VIPR2: variants seen among roughly 807,000 people sequenced by gnomAD.
VIPR2 encodes the protein vasoactive intestinal polypeptide receptor 2.
VIPR2 carries 48 observed loss-of-function variants against 58.0 expected under a neutral mutation model. That is an observed-to-expected ratio of 0.83 (90% CI 0.66 to 1.05). The LOEUF (loss-of-function observed/expected upper bound fraction) is 1.05. VIPR2 is among the 50% of genes least tolerant of loss of function. The probability of loss-of-function intolerance (pLI) is 0.00; values close to 1 mark genes in which losing one functional copy is unlikely to be tolerated. For missense variants in VIPR2, 534 were observed against 558.0 expected, an observed-to-expected ratio of 0.96 and a Z score of 0.43; for synonymous variants, 243 against 235.2, an observed-to-expected ratio of 1.03 and a Z score of -0.30.
At chr7:159,058,950 A>G (rs1855480301) in intron 4 of VIPR2, among the ~76,000 whole-genome samples, 1 of 152,336 alleles carries the variant, frequency 6.6e-6, no homozygotes, top group South Asian at 2.1e-4. Flanking sequence ...ACACTCCTGG[A>G]TGAGCTCAGG....
intron 6 of VIPR2, 27 bp from the exon 7 acceptor site, chr7:159,036,929 A>C: frequency 6.2e-7 from 1 of 1,601,074 alleles, no homozygotes; most frequent in Admixed American, 1.7e-5. Flanking sequence ...GAGGAGAGGA[A>C]AGCATGACCT....
intron 4 of VIPR2, among the ~76,000 whole-genome samples, chr7:159,090,773 CG>C (rs1857451869): frequency 1.4e-5 from 1 of 71,776 alleles, no homozygotes; most frequent in African/African-American, 6.3e-5. Context: ...CCACCTCCTG[CG>C]ACCACTGCAA....
rs1221570540 is a variant in VIPR2 at position 159,090,945 on chromosome 7, G to A, written c.357+12812C>T. ...TCCCCGGTGACCTCAGCACAGACAC[G>A]CTGGGATCACGCACAGGGGCCACCT... On this transcript the variant is annotated intron_variant, in intron 4 of 12. Coordinates refer to ENST00000262178, the MANE Select transcript of VIPR2 (RefSeq NM_003382.5). Among the ~76,000 whole-genome samples, 3 of 111,764 alleles carry A rather than the reference G, an allele frequency of 2.7e-5. 1 individual carries two copies. The highest frequency in any genetic ancestry group is 9.1e-5 in the Admixed American group (1 of 10,946). 73.3% of individuals were successfully genotyped at this position (111,764 alleles called of 152,430 possible).
intron 2 of VIPR2, among the ~76,000 whole-genome samples, chr7:159,136,255 C>T (rs1263223519): frequency 6.6e-6 from 1 of 151,982 alleles, no homozygotes; most frequent in Admixed American, 6.6e-5. Context: ...GCGTGTTGGC[C>T]CAGGTCTCTC....
Position 159,035,670 on chromosome 7 carries a change from G to A in VIPR2, c.809+282C>T, listed in dbSNP as rs146275448. 1.8e-3 allele frequency: 1,782 copies of A among 983,816 alleles called. 6 individuals carry two copies. The highest frequency in any genetic ancestry group is 1.9e-3 in the Non-Finnish European group (1,594 of 828,472). The allele number at this position is 983,816 out of a possible 1,614,324, so 60.9% of individuals were successfully genotyped here. A position where few individuals can be genotyped will look rare whatever the true frequency, so the allele number is the denominator to read the frequency against. On this transcript the variant is annotated intron_variant, in intron 8 of 12. Coordinates refer to ENST00000262178, the MANE Select transcript of VIPR2 (RefSeq NM_003382.5). The stretch of plus-strand genomic sequence containing the variant: ...GGCTTTCTTCTGTGGACATCGCTGT[G>A]CCCACCGCAGGGGCTGCCCCAGTCT...
chr7:159,101,378 G>A (rs1403084455), intron 4 of VIPR2, among the ~76,000 whole-genome samples: 79 of 136,730 alleles, frequency 5.8e-4, no homozygotes, highest in Admixed American at 1.1e-3. Context: ...GAGATCCGAC[G>A]AGGCGGTTCC....
chr7:159,132,132 G>A (rs2129497536), intron 2 of VIPR2, among the ~76,000 whole-genome samples: 1 of 148,612 alleles, frequency 6.7e-6, no homozygotes, highest in Admixed American at 6.8e-5. Context: ...TTCATGAATT[G>A]TTGCTTGCTC....
chr7:159,118,122 A>G (rs549437482), intron 2 of VIPR2, among the ~76,000 whole-genome samples: 10 of 152,124 alleles, frequency 6.6e-5, no homozygotes, highest in Admixed American at 2.6e-4. Flanking sequence ...TAACGGGCTG[A>G]AGGATGAGCC....
chr7:159,043,198 G>C (rs751488690), intron 5 of VIPR2, 22 bp from the exon 6 acceptor site: 3 of 1,564,324 alleles, frequency 1.9e-6, no homozygotes, highest in African/African-American at 2.7e-5. Flanking sequence ...GAGTGGGAGA[G>C]AGAGGAATTG....
At chr7:159,073,367 T>G (rs1320533392) in intron 4 of VIPR2, among the ~76,000 whole-genome samples, 2 of 152,206 alleles carry the variant, frequency 1.3e-5, no homozygotes, top group African/African-American at 4.8e-5. Context: ...ATTGCATCCA[T>G]ATGTCAATGA....
intron 2 of VIPR2, among the ~76,000 whole-genome samples, chr7:159,131,480 G>A (rs572299708): frequency 2.2e-4 from 33 of 152,270 alleles, no homozygotes; most frequent in Non-Finnish European, 3.5e-4. Context: ...CATCTGGTCT[G>A]ATGTAAAACG....
chr7:159,071,923 T>G (rs1261944979), intron 4 of VIPR2, among the ~76,000 whole-genome samples: 9 of 145,090 alleles, frequency 6.2e-5, no homozygotes, highest in African/African-American at 2.3e-4. Flanking sequence ...AAAACACACA[T>G]CGCTAGACTA....
At chr7:159,081,941 C>T (rs896752486) in intron 4 of VIPR2, among the ~76,000 whole-genome samples, 2 of 152,104 alleles carry the variant, frequency 1.3e-5, no homozygotes, top group African/African-American at 4.8e-5. Context: ...ATTAGAATGG[C>T]GATCATTAAA....
intron 2 of VIPR2, among the ~76,000 whole-genome samples, chr7:159,117,589 A>G (rs2129496714): frequency 6.6e-6 from 1 of 152,324 alleles, no homozygotes; most frequent in South Asian, 2.1e-4. Context: ...TCTTTGGACA[A>G]TGGGCAGCTC....
chr7:159,034,779 A>T, intron 8 of VIPR2, 129 bp from the exon 9 acceptor site: 1 of 729,146 alleles, frequency 1.4e-6, no homozygotes, highest in Non-Finnish European at 2.5e-6. Context: ...CTCTGCACTG[A>T]CAGATCGTAA....
At chr7:159,060,533 C>T (rs1262799450) in intron 4 of VIPR2, among the ~76,000 whole-genome samples, 2 of 151,794 alleles carry the variant, frequency 1.3e-5, no homozygotes, top group Non-Finnish European at 2.9e-5. Flanking sequence ...TAACTGCCAC[C>T]CTCACATCAT....
chr7:159,132,923 TCAGACAGAA>T (rs1563355479), intron 2 of VIPR2, among the ~76,000 whole-genome samples: 63 of 140,562 alleles, frequency 4.5e-4, no homozygotes, highest in Non-Finnish European at 5.8e-4. Context: ...CAGATTGATT[TCAGACAGAA>T]TGATTGGCAT....
At chr7:159,092,275 A>T (rs1031177649) in intron 4 of VIPR2, among the ~76,000 whole-genome samples, 9 of 152,200 alleles carry the variant, frequency 5.9e-5, no homozygotes, top group South Asian at 4.1e-4. Context: ...TCTGACACTC[A>T]TGAAGCCGAG....
intron 5 of VIPR2, among the ~76,000 whole-genome samples, chr7:159,046,495 T>C (rs74432977): frequency 2.0e-5 from 3 of 152,284 alleles, no homozygotes; most frequent in African/African-American, 4.8e-5. Flanking sequence ...GGCAATTCCA[T>C]GGAGAAGGCA....
Sources: allele counts gnomAD v4.1 joint callset (sites outside exome capture counted in the v4.1 genomes callset), GRCh38; gene constraint gnomAD v4.1.1; transcripts MANE v1.5; gene names NCBI Gene and HGNC (gene_info 2026-07-23, HGNC 2026-07-21).